The following SERPINB3 variants were observed in gnomAD, a reference collection of about 807,000 sequenced individuals.
SERPINB3 encodes serpin B3.
Under a neutral mutation model 33.0 loss-of-function variants are expected in SERPINB3, and 33 were observed. That is an observed-to-expected ratio of 1.00 (90% confidence interval 0.76 to 1.34). The LOEUF is 1.34. Ranked by LOEUF, SERPINB3 falls within the 40% of genes most tolerant of loss-of-function variation. The pLI is 0.00. For missense variants in SERPINB3, 518 were observed against 461.5 expected, an observed-to-expected ratio of 1.12 and a Z score of -1.12; for synonymous variants, 200 against 170.9, an observed-to-expected ratio of 1.17 and a Z score of -1.33.
Position 63,655,273 on chromosome 18 carries a change from A to G in SERPINB3, c.*384T>C, listed in dbSNP as rs983654497. On this transcript the variant is annotated 3_prime_UTR_variant, in exon 8 of 8. Coordinates refer to ENST00000283752, the MANE Select transcript of SERPINB3 (RefSeq NM_006919.3). ...TTAGAAACATAAGAAGGATTTAGGT[A>G]TCACCTAAATTCAAAGAAATGTGTG... 2.4e-5 allele frequency: 4 copies of G among 165,166 alleles called. No individual in the cohort carries two copies. Among genetic ancestry groups the G allele is most frequent in the African/African-American group, 9.6e-5 (4 of 41,776 alleles). The allele number at this position is 165,166 out of a possible 1,614,324, so 10.2% of individuals were successfully genotyped here.
chr18:63,657,160 C>G, intron 6 of SERPINB3, 110 bp downstream of exon 6: 2 of 900,898 alleles, frequency 2.2e-6, no homozygotes, highest in Non-Finnish European at 3.2e-6. Context: ...ACTAAAACAA[C>G]AAAAAAACAG....
chr18:63,657,077 G>A (rs574223992), intron 6 of SERPINB3, 91 bp from the exon 7 acceptor site: 1 of 1,183,870 alleles, frequency 8.4e-7, no homozygotes, highest in African/African-American at 1.5e-5. Context: ...CTTCTTTTAA[G>A]AAATAATCCA....
At chr18:63,660,737 TC>T (rs1333338885) in intron 3 of SERPINB3, 62 bp downstream of exon 3, 1 of 1,607,414 alleles carries the variant, frequency 6.2e-7, no homozygotes, top group East Asian at 2.2e-5. Flanking sequence ...TCTGTGAAGT[TC>T]CAGGTTCAAA....
Position 63,658,633 on chromosome 18 carries a change from T to C in SERPINB3, c.352-3A>G. On this transcript the variant is annotated splice_polypyrimidine_tract_variant and splice_region_variant and intron_variant, in intron 4 of 7. Transcript: ENST00000283752. Reference sequence around the variant, plus strand: ...TTCTTGATGGCATCTAAATATTCCTTTGAGATATGAAGGAAGAAAGTAGGA... The same window carrying C: ...TTCTTGATGGCATCTAAATATTCCTCTGAGATATGAAGGAAGAAAGTAGGA... 1 of 1,602,770 alleles carries C rather than the reference T, an allele frequency of 6.2e-7. No individual in the cohort carries two copies. The highest frequency in any genetic ancestry group is 8.5e-7 in the Non-Finnish European group (1 of 1,170,064).
Position 63,656,979 on chromosome 18 carries a change from T to G in SERPINB3, c.620A>C (p.Tyr207Ser), listed in dbSNP as rs753471125. 10 of 1,605,390 alleles carry G rather than the reference T, an allele frequency of 6.2e-6. No individual in the cohort carries two copies. Among genetic ancestry groups the G allele is most frequent in the Admixed American group, 5.0e-5 (3 of 59,686 alleles). The change falls in exon 7 of 8, where the codon TAC (tyrosine) becomes TCC (serine). Residue 207 changes from tyrosine to serine, a missense_variant. By Grantham distance (144) the Tyr-to-Ser change is moderately radical. Transcript: ENST00000283752. ...TTGCCTCATCATCTGTATGGACTTG[T>G]ATGTATTCTACAATAAATCAATGTG... is the stretch of plus-strand genomic sequence containing the variant. ...EEKFWPNKNT[Y>S]KSIQMMRQYT... is the part of the protein sequence containing the mutation.
In SERPINB3 at chr18:63,655,508, T is replaced by C. The variant is rs1568169566; in HGVS notation, c.*149A>G. The C allele has an allele frequency of 2.4e-6, 2 of 846,832 alleles. No individual in the cohort carries two copies. The highest frequency in any genetic ancestry group is 2.5e-5 in the Admixed American group (1 of 40,250). The allele number at this position is 846,832 out of a possible 1,614,324, so 52.5% of individuals were successfully genotyped here. A position where few individuals can be genotyped will look rare whatever the true frequency, so the allele number is the denominator to read the frequency against. On this transcript the variant is annotated 3_prime_UTR_variant, in exon 8 of 8. Transcript: ENST00000283752. ...GAGAAAGAGAGAAAGGCATGCTATT[T>C]TAATCATTAAATTCTTGATGATGAC...
At chr18:63,659,364 T>A (rs1909156703) in intron 4 of SERPINB3, 35 bp downstream of exon 4, 2 of 1,596,074 alleles carry the variant, frequency 1.3e-6, no homozygotes, top group Non-Finnish European at 1.7e-6. Flanking sequence ...GACATCAGGA[T>A]GCAAATGAAA....
Position 63,656,988 on chromosome 18 carries a change from T to C in SERPINB3, c.613-2A>G. ...CATCTGTATGGACTTGTATGTATTCTACAATAAATCAATGTGTCCAACAAA... is the reference window on the plus strand; with the variant it reads ...CATCTGTATGGACTTGTATGTATTCCACAATAAATCAATGTGTCCAACAAA... On this transcript the variant is annotated splice_acceptor_variant, in intron 6 of 7. Transcript: ENST00000283752. LOFTEE classifies it high-confidence loss of function. The C allele has an allele frequency of 1.3e-6, 2 of 1,598,686 alleles. No individual in the cohort carries two copies. The highest frequency in any genetic ancestry group is 1.7e-6 in the Non-Finnish European group (2 of 1,169,930).
rs762758799 is a variant in SERPINB3, at chr18:63,656,861, C to T, written c.738G>A (p.Leu246=). ...YKGKDLSMIV[L]LPNEIDGLQK... ...GGAGACCATCGATTTCATTTGGCAGCAACACAATCATGCTTAGATCTTTGC... is the reference window on the plus strand; with the variant it reads ...GGAGACCATCGATTTCATTTGGCAGTAACACAATCATGCTTAGATCTTTGC... The change falls in exon 7 of 8, where the codon TTG becomes TTA. Residue 246 remains leucine (L), a synonymous_variant. Coordinates refer to ENST00000283752, the MANE Select transcript of SERPINB3 (RefSeq NM_006919.3). 2.0e-5 allele frequency: 33 copies of T among 1,611,388 alleles called. 3 individuals carry two copies. In the Middle Eastern group the frequency reaches 4.0e-3, roughly 195 times the overall value.
At chr18:63,657,024 G>C (rs779330732) in intron 6 of SERPINB3, 38 bp from the exon 7 acceptor site, 20 of 1,530,666 alleles carry the variant, frequency 1.3e-5, no homozygotes, top group Non-Finnish European at 1.6e-5. Context: ...TACCAAGTGA[G>C]ACACAAGGCA....
intron 7 of SERPINB3, 101 bp from the exon 8 acceptor site, chr18:63,656,162 A>T: frequency 7.3e-7 from 1 of 1,369,434 alleles, no homozygotes; most frequent in East Asian, 2.4e-5. Context: ...TTGGCAACAA[A>T]TGTGAAATAC....
intron 3 of SERPINB3, among the ~76,000 whole-genome samples, chr18:63,660,115 C>G (rs182246072): frequency 6.6e-6 from 1 of 152,186 alleles, no homozygotes; most frequent in Admixed American, 6.5e-5. Context: ...CAAGAAAGCT[C>G]AGAGAATGGA....
chr18:63,657,457 G>T (rs1223429092), intron 5 of SERPINB3, 45 bp from the exon 6 acceptor site: 2 of 1,482,596 alleles, frequency 1.3e-6, no homozygotes, highest in Non-Finnish European at 1.8e-6. Flanking sequence ...AGCTACAAAT[G>T]GCTTGTCTGG....
chr18:63,655,849 T>A lies in SERPINB3; in HGVS notation c.981A>T (p.Gly327=). ...CCTCCACAAAGGCCTTGTGTAGGAC[T>A]CCAGATAGCACGAGACCGCGGCTCC... The part of the protein sequence containing the change: ...MTGSRGLVLS[G]VLHKAFVEVT... Residue 327 remains glycine (G), a synonymous_variant, in exon 8 of 8, where the codon GGA becomes GGT. Transcript: ENST00000283752. 3.1e-6 allele frequency: 5 copies of A among 1,613,960 alleles called. No homozygotes were observed. The highest frequency in any genetic ancestry group is 4.2e-6 in the Non-Finnish European group (5 of 1,179,946).
At position 63,657,321 on chromosome 18, in the gene SERPINB3, C is replaced by T. The variant is rs552066907; in HGVS notation, c.561G>A (p.Glu187=). The change falls in exon 6 of 8, where the codon GAG becomes GAA. Residue 187 remains glutamate (E), a synonymous_variant. Transcript: ENST00000283752. ...VNAIYFKGQW[E]KKFNKEDTKE... Reference sequence around the variant, plus strand: ...TAGTATCTTCTTTATTAAATTTCTTCTCCCACTGCCCTTTGAAATAGATTG... The same window carrying T: ...TAGTATCTTCTTTATTAAATTTCTTTTCCCACTGCCCTTTGAAATAGATTG... 8.1e-6 allele frequency: 13 copies of T among 1,607,094 alleles called. No individual in the cohort carries two copies. In the Admixed American group the frequency reaches 2.2e-4, roughly 27 times the overall value.
At chr18:63,657,064 A>T in intron 6 of SERPINB3, 78 bp from the exon 7 acceptor site, 1 of 1,267,350 alleles carries the variant, frequency 7.9e-7, no homozygotes, top group South Asian at 1.7e-5. Context: ...ATATCAACAC[A>T]TCCTTCTTTT....
intron 6 of SERPINB3, 99 bp from the exon 7 acceptor site, chr18:63,657,085 C>A: frequency 8.7e-7 from 1 of 1,145,960 alleles, no homozygotes; most frequent in Non-Finnish European, 1.2e-6. Flanking sequence ...AAGAAATAAT[C>A]CAAGAATGTA....
intron 3 of SERPINB3, among the ~76,000 whole-genome samples, chr18:63,660,082 CT>C (rs1327453649): frequency 6.6e-6 from 1 of 152,060 alleles, no homozygotes; most frequent in Non-Finnish European, 1.5e-5. Flanking sequence ...AACTTTAAGT[CT>C]TTAGTTCAAT....
chr18:63,657,009 A>G (rs1598937075), intron 6 of SERPINB3, 23 bp from the exon 7 acceptor site: 3 of 1,579,694 alleles, frequency 1.9e-6, no homozygotes, highest in African/African-American at 1.3e-5. Context: ...AATGTGTCCA[A>G]CAAATACCAA....
Sources: allele counts gnomAD v4.1 joint callset (sites outside exome capture counted in the v4.1 genomes callset), GRCh38; gene constraint gnomAD v4.1.1; transcripts MANE v1.5; gene names NCBI Gene and HGNC (gene_info 2026-07-23, HGNC 2026-07-21).